The following TET1 variants were observed in gnomAD, a reference collection of about 807,000 sequenced individuals.
The protein encoded by TET1 is tet methylcytosine dioxygenase 1, also known as methylcytosine dioxygenase TET1.
A neutral mutation model predicts 148.7 loss-of-function variants in TET1; 13 were observed. The ratio of observed to expected loss-of-function variants is 0.09; its 90% CI spans 0.06 to 0.14. TET1 has a LOEUF of 0.14. Among genes scored for constraint, TET1 ranks in the 10% least tolerant of loss-of-function variants. The pLI is 1.00. For missense variants in TET1, 2,182 were observed against 2,553.8 expected, an observed-to-expected ratio of 0.85 and a Z score of 3.14; for synonymous variants, 907 against 937.2, an observed-to-expected ratio of 0.97 and a Z score of 0.59.
intron 1 of TET1, among the ~76,000 whole-genome samples, chr10:68,565,924 A>G (rs1271537198): frequency 6.6e-6 from 1 of 152,136 alleles, no homozygotes; most frequent in African/African-American, 2.4e-5. Flanking sequence ...TCATGATCTC[A>G]TAAAAAGGCT....
At position 68,573,867 on chromosome 10, in the gene TET1, C is replaced by T. The variant is rs2053699316; in HGVS notation, c.1529C>T (p.Ala510Val). Residue 510 changes from alanine to valine, a missense_variant, in exon 2 of 12, where the codon GCT becomes GTT. Physicochemically the swap from Ala to Val is moderately conservative, Grantham distance 64. This residue lies in a region of TET1 where 665 missense variants were observed against 672.4 expected (regional missense o/e 0.99). Transcript: ENST00000373644. ...EKQVHISFLP[A>V]NTQGFPLAPE... Reference sequence around the variant, plus strand: ...CAGGTTCATATAAGCTTCCTGCCAGCTAACACTCAGGGGTTCCCATTAGCC... The same window carrying T: ...CAGGTTCATATAAGCTTCCTGCCAGTTAACACTCAGGGGTTCCCATTAGCC... The T allele has an allele frequency of 6.2e-7, 1 of 1,614,016 alleles. No individual in the cohort carries two copies. The highest frequency in any genetic ancestry group is 8.5e-7 in the Non-Finnish European group (1 of 1,180,036).
rs1303599801 is a variant in TET1 at position 68,694,271 on chromosome 10, C to T, written c.*2457C>T. ...ATGAATGGACTTCTTAAGCTGATTA[C>T]CCCACTGTGGGAACCAAATTGGATT... On this transcript the variant is annotated 3_prime_UTR_variant, in exon 12 of 12. Coordinates refer to ENST00000373644, the MANE Select transcript of TET1 (RefSeq NM_030625.3). 8.6e-6 allele frequency: 2 copies of T among 232,556 alleles called. No individual in the cohort carries two copies. The highest frequency in any genetic ancestry group is 2.2e-5 in the African/African-American group (1 of 45,328). The allele number at this position is 232,556 out of a possible 1,614,324, so 14.4% of individuals were successfully genotyped here.
chr10:68,668,802 C>G (rs913194353), intron 7 of TET1, among the ~76,000 whole-genome samples: 1 of 152,256 alleles, frequency 6.6e-6, no homozygotes, highest in African/African-American at 2.4e-5. Context: ...CATAGTAAGA[C>G]TCCATCTCTA....
intron 3 of TET1, among the ~76,000 whole-genome samples, chr10:68,618,554 T>C (rs1314112560): frequency 6.6e-6 from 1 of 152,142 alleles, no homozygotes; most frequent in Admixed American, 6.6e-5. Context: ...AACCTACTCC[T>C]CCAATCTGGG....
intron 11 of TET1, among the ~76,000 whole-genome samples, chr10:68,688,286 C>A (rs1165879903): frequency 6.6e-6 from 1 of 150,382 alleles, no homozygotes; most frequent in Admixed American, 6.7e-5. Context: ...TTAGTTGAGA[C>A]GGAGTTTCAC....
intron 3 of TET1, among the ~76,000 whole-genome samples, chr10:68,617,159 C>T (rs1226627755): frequency 6.7e-6 from 1 of 149,284 alleles, no homozygotes; most frequent in Non-Finnish European, 1.5e-5. Flanking sequence ...GTAGCTGGGA[C>T]TATAGGCGCC....
chr10:68,574,273 C>T, intron 2 of TET1, 21 bp downstream of exon 2: 1 of 1,592,722 alleles, frequency 6.3e-7, no homozygotes, highest in Non-Finnish European at 8.5e-7. Flanking sequence ...AGTCAAGGGG[C>T]TGGGAGACAG....
chr10:68,666,987 A>G (rs1564501390), intron 6 of TET1, 58 bp from the exon 7 acceptor site: 12 of 1,413,392 alleles, frequency 8.5e-6, no homozygotes, highest in Non-Finnish European at 6.9e-6. Context: ...AGGAATATCC[A>G]TTGCATTCAA....
intron 3 of TET1, among the ~76,000 whole-genome samples, chr10:68,642,605 T>G (rs2054774687): frequency 6.6e-6 from 1 of 152,070 alleles, no homozygotes; most frequent in South Asian, 2.1e-4. Flanking sequence ...ATTGTACACT[T>G]TTCTTCTTTT....
intron 3 of TET1, among the ~76,000 whole-genome samples, chr10:68,616,262 A>G (rs2054288509): frequency 6.7e-6 from 1 of 150,374 alleles, no homozygotes. Context: ...TTCAGTTGCT[A>G]TATCTCTTTA....
In TET1 at chr10:68,572,673, G is replaced by C. The variant is rs1477305146; in HGVS notation, c.335G>C (p.Ser112Thr). 6.2e-7 allele frequency: 1 copy of C among 1,614,098 alleles called. No homozygotes were observed. The highest frequency in any genetic ancestry group is 1.7e-5 in the Admixed American group (1 of 60,000). The change falls in exon 2 of 12, where the codon AGC becomes ACC. Residue 112 changes from serine (S) to threonine (T), a missense_variant. Ser to Thr is a moderately conservative substitution (Grantham distance 58). Transcript: ENST00000373644. ...ATGGCGCTACGAAGCACCTCTCTTAGCAGGCGACTCTCCCAACCCCCACTG... is the reference window on the plus strand; with the variant it reads ...ATGGCGCTACGAAGCACCTCTCTTACCAGGCGACTCTCCCAACCCCCACTG... ...FTMALRSTSL[S>T]RRLSQPPLVV...
intron 2 of TET1, among the ~76,000 whole-genome samples, chr10:68,596,019 C>T (rs374217440): frequency 0.014 from 1,484 of 107,716 alleles, 35 homozygotes; most frequent in African/African-American, 0.046. Flanking sequence ...CACACACACA[C>T]ACACACACAT....
At position 68,572,521 on chromosome 10, in the gene TET1, A is replaced by T; in HGVS notation, c.183A>T (p.Lys61Asn). 1 of 1,613,568 alleles carries T rather than the reference A, an allele frequency of 6.2e-7. No individual in the cohort carries two copies. The highest frequency in any genetic ancestry group is 8.5e-7 in the Non-Finnish European group (1 of 1,179,940). ...QLIQERDVKK[K>N]TEPKPPVPVR... is the part of the protein sequence containing the mutation. ...TTCAAGAAAGAGATGTTAAGAAAAA[A>T]ACAGAACCTAAACCACCCGTGCCAG... Residue 61 changes from lysine (K) to asparagine (N), a missense_variant, in exon 2 of 12, where the codon AAA becomes AAT. Physicochemically the swap from Lys to Asn is moderately conservative, Grantham distance 94. Transcript: ENST00000373644.
intron 3 of TET1, among the ~76,000 whole-genome samples, chr10:68,610,812 A>T (rs2054198017): frequency 6.6e-6 from 1 of 151,968 alleles, no homozygotes; most frequent in South Asian, 2.1e-4. Context: ...TGCACCACCA[A>T]TCCCGCCTAA....
intron 6 of TET1, among the ~76,000 whole-genome samples, chr10:68,666,101 G>A (rs1257954919): frequency 1.3e-5 from 2 of 150,580 alleles, no homozygotes; most frequent in Non-Finnish European, 2.9e-5. Context: ...GGTTTTATGT[G>A]GTGACAACAT....
rs542669367 is a variant in TET1, at chr10:68,694,080, T to C, written c.*2266T>C. ...ATGGTAATGTATGCAGTAATTCAAATTGATCTCTCTCTCAATAGGTTTCTT... is the reference window on the plus strand; with the variant it reads ...ATGGTAATGTATGCAGTAATTCAAACTGATCTCTCTCTCAATAGGTTTCTT... On this transcript the variant is annotated 3_prime_UTR_variant, in exon 12 of 12. Coordinates refer to ENST00000373644, the MANE Select transcript of TET1 (RefSeq NM_030625.3). The C allele has an allele frequency of 2.2e-5, 5 of 232,170 alleles. No homozygotes were observed. The highest frequency in any genetic ancestry group is 4.3e-5 in the Non-Finnish European group (5 of 117,486). The allele number at this position is 232,170 out of a possible 1,614,324, so 14.4% of individuals were successfully genotyped here. A position where few individuals can be genotyped will look rare whatever the true frequency, so the allele number is the denominator to read the frequency against.
intron 3 of TET1, among the ~76,000 whole-genome samples, chr10:68,637,693 C>T (rs571122538): frequency 1.1e-4 from 17 of 151,506 alleles, no homozygotes; most frequent in Middle Eastern, 3.4e-3. Flanking sequence ...GCCAACATGG[C>T]AAACCCCGTC....
At chr10:68,668,976 GGAGAGA>G (rs56945020) in intron 7 of TET1, among the ~76,000 whole-genome samples, 9 of 148,674 alleles carry the variant, frequency 6.1e-5, no homozygotes, top group African/African-American at 2.2e-4. Flanking sequence ...CATGGCAAAA[GGAGAGA>G]GAGAGAGAGA....
chr10:68,652,450 G>A, intron 5 of TET1, 51 bp from the exon 6 acceptor site: 4 of 1,371,996 alleles, frequency 2.9e-6, no homozygotes, highest in Non-Finnish European at 4.0e-6. Flanking sequence ...AAGCCTTCAA[G>A]TACAGATTGC....
Sources: allele counts gnomAD v4.1 joint callset (sites outside exome capture counted in the v4.1 genomes callset), GRCh38; gene constraint gnomAD v4.1.1; regional missense constraint gnomAD v4.1.1; transcripts MANE v1.5; gene names NCBI Gene and HGNC (gene_info 2026-07-23, HGNC 2026-07-21).